Variants in RANBP2 observed in about 807,000 individuals in gnomAD.
RANBP2 encodes the protein E3 SUMO-protein ligase RanBP2.
A neutral mutation model predicts 303.6 loss-of-function variants in RANBP2; 57 were observed. The observed-to-expected ratio is 0.19, with a 90% confidence interval of 0.15 to 0.23. The LOEUF (loss-of-function observed/expected upper bound fraction) is 0.23. Ranked by LOEUF, RANBP2 falls within the 10% of genes least tolerant of loss-of-function variation. RANBP2 has a pLI of 1.00. For synonymous variants in RANBP2, 1,167 were observed against 1,301.5 expected, an observed-to-expected ratio of 0.90 and a Z score of 2.23; for missense variants, 3,138 against 3,780.8, an observed-to-expected ratio of 0.83 and a Z score of 4.46.
chr2:109,240,741 T>A, the RANBP2 span, among the ~76,000 whole-genome samples: 16 of 152,126 alleles, frequency 1.1e-4, no homozygotes, highest in Admixed American at 4.6e-4. Context: ...TGTTTCCTTC[T>A]GAGCTTCTTC....
the RANBP2 span, among the ~76,000 whole-genome samples, chr2:109,472,548 A>G: frequency 2.0e-5 from 3 of 152,284 alleles, no homozygotes; most frequent in Non-Finnish European, 4.4e-5. Context: ...CCCCGATCCA[A>G]TTGATGAACC....
chr2:109,102,560 G>A, the RANBP2 span, among the ~76,000 whole-genome samples: 130 of 152,244 alleles, frequency 8.5e-4, 2 homozygotes, highest in Non-Finnish European at 4.4e-4. Context: ...TTAATGAGGC[G>A]AGAATAGCAC....
the RANBP2 span, among the ~76,000 whole-genome samples, chr2:109,474,989 GT>G: frequency 1.3e-5 from 2 of 151,174 alleles, no homozygotes; most frequent in African/African-American, 4.9e-5. Flanking sequence ...TTGTTTGTTT[GT>G]TTTTTTGAGA....
the RANBP2 span, among the ~76,000 whole-genome samples, chr2:109,251,926 A>T: frequency 1.3e-5 from 2 of 152,142 alleles, no homozygotes; most frequent in Non-Finnish European, 1.5e-5. Flanking sequence ...TTAAATCGGC[A>T]AAAGTACCCC....
the RANBP2 span, among the ~76,000 whole-genome samples, chr2:109,381,386 C>T: frequency 6.6e-6 from 1 of 152,222 alleles, no homozygotes; most frequent in Non-Finnish European, 1.5e-5. Flanking sequence ...GTTACTTTTA[C>T]ACCTAACTTT....
At chr2:108,912,751 A>C in the RANBP2 span, 7 of 1,597,226 alleles carry the variant, frequency 4.4e-6, no homozygotes, top group Non-Finnish European at 6.0e-6. Flanking sequence ...AAGCTCCTGA[A>C]GTGGCTCCCA....
chr2:108,719,948 G>C, intron 1 of RANBP2: 1 of 984,950 alleles, frequency 1.0e-6, no homozygotes, highest in Non-Finnish European at 1.2e-6. Context: ...TCGCTCCTGG[G>C]GCCGCCCTGG....
At chr2:109,736,782 T>C in the RANBP2 span, among the ~76,000 whole-genome samples, 17 of 152,186 alleles carry the variant, frequency 1.1e-4, no homozygotes, top group African/African-American at 3.9e-4. Flanking sequence ...CTTGTATCCC[T>C]GAATCATTCT....
At chr2:109,607,066 T>G in the RANBP2 span, among the ~76,000 whole-genome samples, 1 of 152,354 alleles carries the variant, frequency 6.6e-6, no homozygotes, top group African/African-American at 2.4e-5. Context: ...ATGTCTAGCC[T>G]GCTCTTCTCC....
the RANBP2 span, among the ~76,000 whole-genome samples, chr2:109,416,174 C>CT: frequency 6.6e-6 from 1 of 152,206 alleles, no homozygotes; most frequent in South Asian, 2.1e-4. Context: ...ACTAAACAGA[C>CT]TAAGACATTC....
At chr2:108,882,166 A>T in the RANBP2 span, 1 of 152,578 alleles carries the variant, frequency 6.6e-6, no homozygotes, top group African/African-American at 2.4e-5. Flanking sequence ...AAAAAAAAAA[A>T]AGAAAAAATA....
chr2:109,576,308 G>A, the RANBP2 span, among the ~76,000 whole-genome samples: 21 of 151,968 alleles, frequency 1.4e-4, no homozygotes, highest in Admixed American at 1.2e-3. Context: ...TGTGTTGCCC[G>A]GGCTGGTCTT....
the RANBP2 span, among the ~76,000 whole-genome samples, chr2:109,743,532 C>A: frequency 6.9e-6 from 1 of 144,588 alleles, no homozygotes; most frequent in Non-Finnish European, 1.5e-5. Flanking sequence ...AATGAGAAGA[C>A]AAGCCACAGG....
chr2:109,041,525 ATT>A, the RANBP2 span, among the ~76,000 whole-genome samples: 1 of 142,032 alleles, frequency 7.0e-6, no homozygotes, highest in Admixed American at 7.1e-5. Flanking sequence ...ACGGATGTTA[ATT>A]TTTTTTTTTT....
chr2:109,240,492 A>G, the RANBP2 span, among the ~76,000 whole-genome samples: 52 of 152,214 alleles, frequency 3.4e-4, 1 homozygote, highest in South Asian at 0.011. Context: ...AAACAAACAA[A>G]ATACAAACAA....
the RANBP2 span, among the ~76,000 whole-genome samples, chr2:109,599,228 C>T: frequency 6.6e-6 from 1 of 151,984 alleles, no homozygotes; most frequent in Non-Finnish European, 1.5e-5. Flanking sequence ...GAGGCCAAGA[C>T]CGGTGGATCA....
the RANBP2 span, among the ~76,000 whole-genome samples, chr2:109,227,743 C>T: frequency 1.3e-5 from 2 of 152,220 alleles, no homozygotes; most frequent in East Asian, 1.9e-4. Flanking sequence ...GCAGTCCTTT[C>T]GGGTCCAACG....
At chr2:109,244,665 AGG>A in the RANBP2 span, among the ~76,000 whole-genome samples, 1 of 152,210 alleles carries the variant, frequency 6.6e-6, no homozygotes, top group East Asian at 1.9e-4. Context: ...AGGCAAACAC[AGG>A]GAGGAAATAT....
At chr2:109,722,306 C>T in the RANBP2 span, among the ~76,000 whole-genome samples, 1 of 152,150 alleles carries the variant, frequency 6.6e-6, no homozygotes, top group South Asian at 2.1e-4. Flanking sequence ...CTGCTGGCCA[C>T]AGGCCAGACA....
Sources: allele counts gnomAD v4.1 joint callset (sites outside exome capture counted in the v4.1 genomes callset), GRCh38; gene constraint gnomAD v4.1.1; transcripts MANE v1.5; gene names NCBI Gene and HGNC (gene_info 2026-07-23, HGNC 2026-07-21).